GRIA4: variants seen among roughly 807,000 people sequenced by gnomAD.
The protein encoded by GRIA4 is glutamate receptor 4.
In GRIA4, 34 loss-of-function variants were observed where a neutral mutation model predicts 104.0. The observed-to-expected ratio is 0.33, with a 90% confidence interval of 0.25 to 0.44. The LOEUF (loss-of-function observed/expected upper bound fraction) is 0.44. GRIA4 is among the 20% of genes least tolerant of loss of function. GRIA4 has a pLI of 1.00. For synonymous variants in GRIA4, 386 were observed against 381.9 expected, an observed-to-expected ratio of 1.01 and a Z score of -0.13; for missense variants, 750 against 1,096.5, an observed-to-expected ratio of 0.68 and a Z score of 4.46.
chr11:105,749,548 C>T (rs1020549436), intron 3 of GRIA4, among the ~76,000 whole-genome samples: 2 of 152,146 alleles, frequency 1.3e-5, no homozygotes, highest in African/African-American at 4.8e-5. Context: ...ATTGATGTCC[C>T]ATAACTTGAG....
chr11:105,632,973 T>C (rs946584522), intron 3 of GRIA4, among the ~76,000 whole-genome samples: 1 of 152,132 alleles, frequency 6.6e-6, no homozygotes, highest in African/African-American at 2.4e-5. Context: ...GTCTTGAGAA[T>C]TGTAACTTGG....
At chr11:105,725,176 A>T (rs1938117541) in intron 3 of GRIA4, among the ~76,000 whole-genome samples, 1 of 152,220 alleles carries the variant, frequency 6.6e-6, no homozygotes, top group Admixed American at 6.6e-5. Flanking sequence ...GCATTGAAAC[A>T]GTTTAAGCAT....
At chr11:105,867,467 A>G (rs553138391) in intron 5 of GRIA4, among the ~76,000 whole-genome samples, 33 of 152,310 alleles carry the variant, frequency 2.2e-4, no homozygotes, top group African/African-American at 7.9e-4. Flanking sequence ...ACAAATTTTC[A>G]CAACTCTCAA....
At position 105,674,272 on chromosome 11, in the gene GRIA4, A is replaced by C. The variant is rs533657919; in HGVS notation, c.247+61838A>C. ...TACCATGCAAGTAAATCAATTTCAC[A>C]ATGAATTTTAGCAATGGTTGATTAA... On this transcript the variant is annotated intron_variant, in intron 3 of 16. Transcript: ENST00000282499. Among the ~76,000 whole-genome samples the C allele has an allele frequency of 7.0e-4, 107 of 152,070 alleles. 4 individuals are homozygous for C. The South Asian group carries it at 0.021, about 30-fold the overall frequency.
In GRIA4 at chr11:105,979,687, C is replaced by T. The variant is rs146941388; in HGVS notation, c.2657C>T (p.Thr886Ile). The change falls in exon 17 of 17, where the codon ACT becomes ATT. Residue 886 changes from threonine (T) to isoleucine (I), a missense_variant. This residue lies in a region of GRIA4 where 68 missense variants were observed against 69.3 expected (regional missense o/e 0.98). Transcript: ENST00000282499. ...TGCCCAAAGGCTGTACACACTGGAA[C>T]TGCAATCAGACAAAGTTCAGGATTG... ...PDCPKAVHTG[T>I]AIRQSSGLAV... 4.3e-6 allele frequency: 7 copies of T among 1,613,994 alleles called. 1 individual carries two copies. In the South Asian group the frequency reaches 4.4e-5, roughly 10 times the overall value.
In GRIA4 at chr11:105,947,921, C is replaced by T. The variant is rs550912994; in HGVS notation, c.2294+13952C>T. Among the ~76,000 whole-genome samples the T allele has an allele frequency of 3.3e-5, 5 of 152,282 alleles. No homozygotes were observed. In the East Asian group the frequency reaches 9.6e-4, roughly 29 times the overall value. Reference sequence around the variant, plus strand: ...CAAAATAAGCAGCTTTGTATCTTCACTTAGAATCTCATAAACTTAAAATAT... The same window carrying T: ...CAAAATAAGCAGCTTTGTATCTTCATTTAGAATCTCATAAACTTAAAATAT... On this transcript the variant is annotated intron_variant, in intron 14 of 16. Coordinates refer to ENST00000282499, the MANE Select transcript of GRIA4 (RefSeq NM_000829.4).
chr11:105,830,332 G>A (rs1591317612), intron 4 of GRIA4, among the ~76,000 whole-genome samples: 2 of 152,018 alleles, frequency 1.3e-5, no homozygotes, highest in Non-Finnish European at 2.9e-5. Context: ...AACTAAAATA[G>A]TGAAAGTGGA....
At chr11:105,706,842 A>G (rs1953719854) in intron 3 of GRIA4, 1 of 152,320 alleles carries the variant, frequency 6.6e-6, no homozygotes, top group Admixed American at 6.5e-5. Flanking sequence ...GTCATCACAT[A>G]AAAGGATGGA....
chr11:105,688,191 T>C (rs1245152655), intron 3 of GRIA4, among the ~76,000 whole-genome samples: 1 of 151,374 alleles, frequency 6.6e-6, no homozygotes, highest in Non-Finnish European at 1.5e-5. Context: ...TCTATCTATT[T>C]ATCTATATGC....
intron 7 of GRIA4, 53 bp from the exon 8 acceptor site, chr11:105,903,761 G>A (rs1946946472): frequency 1.6e-6 from 2 of 1,244,700 alleles, no homozygotes; most frequent in Non-Finnish European, 1.2e-6. Flanking sequence ...GACCATTTCT[G>A]GCACTCGATA....
chr11:105,703,012 C>A (rs1284909941), intron 3 of GRIA4, among the ~76,000 whole-genome samples: 2 of 152,068 alleles, frequency 1.3e-5, no homozygotes, highest in Non-Finnish European at 2.9e-5. Context: ...CCAGTGTCAA[C>A]TTGCTAGAAA....
intron 4 of GRIA4, among the ~76,000 whole-genome samples, chr11:105,829,000 T>C (rs72987121): frequency 1.3e-5 from 2 of 152,070 alleles, no homozygotes; most frequent in Non-Finnish European, 2.9e-5. Context: ...GTTCCCAGTA[T>C]TCCCAGACAG....
At chr11:105,949,468 C>A (rs1369298454) in intron 14 of GRIA4, among the ~76,000 whole-genome samples, 2 of 151,834 alleles carry the variant, frequency 1.3e-5, no homozygotes, top group East Asian at 3.9e-4. Context: ...GTATAAAGTA[C>A]CCTAAAACAC....
chr11:105,942,305 T>C (rs895727956), intron 14 of GRIA4, among the ~76,000 whole-genome samples: 4 of 152,090 alleles, frequency 2.6e-5, no homozygotes, highest in South Asian at 2.1e-4. Flanking sequence ...GTATAAGCCA[T>C]AGAATTAGTT....
intron 3 of GRIA4, among the ~76,000 whole-genome samples, chr11:105,650,741 C>T (rs1398489784): frequency 6.6e-6 from 1 of 152,002 alleles, no homozygotes. Flanking sequence ...TCCTGAGCAT[C>T]CCAAGGCTAT....
chr11:105,734,128 A>C (rs1214347863), intron 3 of GRIA4, among the ~76,000 whole-genome samples: 1 of 149,914 alleles, frequency 6.7e-6, no homozygotes, highest in Non-Finnish European at 1.5e-5. Context: ...TTAGACACTG[A>C]CAGATCTACT....
chr11:105,703,139 G>A (rs966588361), intron 3 of GRIA4, among the ~76,000 whole-genome samples: 5 of 152,100 alleles, frequency 3.3e-5, no homozygotes, highest in African/African-American at 1.2e-4. Context: ...CAAAACTTAT[G>A]AGCAACCAGT....
chr11:105,975,045 T>A (rs1022687836), intron 16 of GRIA4: 3 of 154,262 alleles, frequency 1.9e-5, no homozygotes, highest in African/African-American at 7.2e-5. Context: ...ATGTGCTCAA[T>A]GAATTTTGGC....
chr11:105,959,583 C>T (rs1948682219), intron 14 of GRIA4, among the ~76,000 whole-genome samples: 1 of 152,150 alleles, frequency 6.6e-6, no homozygotes, highest in Admixed American at 6.5e-5. Flanking sequence ...TATTACCTAT[C>T]TTCTGAAGAC....
Sources: allele counts gnomAD v4.1 joint callset (sites outside exome capture counted in the v4.1 genomes callset), GRCh38; gene constraint gnomAD v4.1.1; regional missense constraint gnomAD v4.1.1; transcripts MANE v1.5; gene names NCBI Gene and HGNC (gene_info 2026-07-23, HGNC 2026-07-21).